DPP9: variants seen among roughly 807,000 people sequenced by gnomAD.
DPP9 encodes the protein dipeptidyl peptidase IV-related protein-2.
In DPP9, 50 loss-of-function variants were observed where a neutral mutation model predicts 110.7. The observed-to-expected ratio is 0.45, with a 90% CI of 0.36 to 0.57. The LOEUF is 0.57. Ranked by LOEUF, DPP9 falls within the 20% of genes least tolerant of loss-of-function variation. DPP9 has a pLI of 0.00. For synonymous variants in DPP9, 561 were observed against 514.4 expected (o/e 1.09, Z -1.23); for missense variants, 1,022 against 1,217.9 (o/e 0.84, Z 2.39).
chr19:4,691,670 CTTTT>C (rs1006998596), intron 13 of DPP9, among the ~76,000 whole-genome samples: 2 of 95,086 alleles, frequency 2.1e-5, no homozygotes, highest in African/African-American at 4.4e-5. Context: ...TAAAACCAGA[CTTTT>C]TTTTTTTTTT....
chr19:4,681,918 G>A (rs1212775011), intron 20 of DPP9, among the ~76,000 whole-genome samples: 4 of 139,258 alleles, frequency 2.9e-5, no homozygotes, highest in Admixed American at 7.5e-5. Flanking sequence ...GCACGATCTC[G>A]GCTCACTGCA....
chr19:4,702,062 T>C lies in DPP9; in HGVS notation c.977A>G (p.Glu326Gly). 1.2e-6 allele frequency: 2 copies of C among 1,613,952 alleles called. No individual in the cohort carries two copies. Among genetic ancestry groups the C allele is most frequent in the Non-Finnish European group, 1.7e-6 (2 of 1,179,854 alleles). Residue 326 changes from glutamate (E) to glycine (G), a missense_variant, in exon 9 of 22, where the codon GAA becomes GGA. By Grantham distance (98) the Glu-to-Gly change is moderately conservative (BLOSUM62 -2). This residue lies in a region of DPP9 where 810 missense variants were observed against 920.6 expected (regional missense o/e 0.88). Coordinates refer to ENST00000262960, the MANE Select transcript of DPP9 (RefSeq NM_139159.5). ...VIHVPSPALE[E>G]RKTDSYRYPR... is the part of the protein sequence containing the mutation. Reference sequence around the variant, plus strand: ...GTACCGATACGAGTCCGTCTTCCTTTCTTCTAGCGCAGGAGAGGGGACGTG... The same window carrying C: ...GTACCGATACGAGTCCGTCTTCCTTCCTTCTAGCGCAGGAGAGGGGACGTG...
chr19:4,692,823 G>A (rs954106309), intron 13 of DPP9, among the ~76,000 whole-genome samples: 1 of 152,188 alleles, frequency 6.6e-6, no homozygotes, highest in Non-Finnish European at 1.5e-5. Flanking sequence ...AAACACCAAT[G>A]AGCCGAAGAC....
Position 4,705,877 on chromosome 19 carries a change from T to G in DPP9, c.407A>C (p.Gln136Pro). 6.2e-7 allele frequency: 1 copy of G among 1,613,964 alleles called. No homozygotes were observed. Among genetic ancestry groups the G allele is most frequent in the East Asian group, 2.2e-5 (1 of 44,886 alleles). Residue 136 changes from glutamine to proline, a missense_variant, in exon 5 of 22, where the codon CAG becomes CCG. By Grantham distance (76) the Gln-to-Pro change is moderately conservative. This residue lies in a region of DPP9 where 810 missense variants were observed against 920.6 expected (regional missense o/e 0.88). Coordinates refer to ENST00000262960, the MANE Select transcript of DPP9 (RefSeq NM_139159.5). ...GCTTACCTGGAAATGATCCAGCATC[T>G]GCTTCCAGGACAGGAGCAGCAGAGC... ...KEALLLLSWK[Q>P]MLDHFQATPH...
rs781710706 is a variant in DPP9 at position 4,700,174 on chromosome 19, C to A, written c.1074+42G>T. 1.3e-5 allele frequency: 19 copies of A among 1,480,288 alleles called. No homozygotes were observed. The highest frequency in any genetic ancestry group is 1.9e-5 in the Admixed American group (1 of 52,472). The allele number at this position is 1,480,288 out of a possible 1,614,324, so 91.7% of individuals were successfully genotyped here. A position where few individuals can be genotyped will look rare whatever the true frequency, so the allele number is the denominator to read the frequency against. On this transcript the variant is annotated intron_variant, in intron 10 of 21. Coordinates refer to ENST00000262960, the MANE Select transcript of DPP9 (RefSeq NM_139159.5). The surrounding 1 kb of genome is among the most constrained non-coding windows in gnomAD (Gnocchi z 4.3). ...CAGCTGCCTACCCGGCCCTTCCCCG[C>A]ATCATCTAGTAGATTATCTGGTATG...
At chr19:4,707,881 C>T (rs998767455) in intron 4 of DPP9, among the ~76,000 whole-genome samples, 2 of 152,136 alleles carry the variant, frequency 1.3e-5, no homozygotes, top group Non-Finnish European at 2.9e-5. Context: ...CCACCTTGGC[C>T]TCCCAAAATG....
intron 3 of DPP9, chr19:4,719,201 A>G (rs2093208313): frequency 6.6e-6 from 1 of 152,050 alleles, no homozygotes; most frequent in Non-Finnish European, 1.5e-5. Flanking sequence ...GGTGACACGC[A>G]CCTGTACTCC....
Position 4,689,380 on chromosome 19 carries a change from G to A in DPP9, c.1749+190C>T, listed in dbSNP as rs924903308. Among the ~76,000 whole-genome samples the A allele has an allele frequency of 6.6e-6, 1 of 152,218 alleles. No individual in the cohort carries two copies. Among genetic ancestry groups the A allele is most frequent in the Non-Finnish European group, 1.5e-5 (1 of 68,028 alleles). On this transcript the variant is annotated intron_variant, in intron 15 of 21. Coordinates refer to ENST00000262960, the MANE Select transcript of DPP9 (RefSeq NM_139159.5). The surrounding 1 kb of genome is among the most constrained non-coding windows in gnomAD (Gnocchi z 7.0). ...TCCACCACTTACTACCCTGGGATTGGTGGTGGGCAATTCACTCCCTTCCCT... is the reference window on the plus strand; with the variant it reads ...TCCACCACTTACTACCCTGGGATTGATGGTGGGCAATTCACTCCCTTCCCT...
rs2091676644 is a variant in DPP9, at chr19:4,695,103, A to C, written c.1353+275T>G. 1.7e-6 allele frequency: 1 copy of C among 587,916 alleles called. No homozygotes were observed. Among genetic ancestry groups the C allele is most frequent in the South Asian group, 2.1e-5 (1 of 47,222 alleles). 36.4% of individuals were successfully genotyped at this position (587,916 alleles called of 1,614,324 possible). ...GAGGTCAAGGCTGCAGTGAGCTATGACCACACCACTGCACTCTAGTCTGGG... is the reference window on the plus strand; with the variant it reads ...GAGGTCAAGGCTGCAGTGAGCTATGCCCACACCACTGCACTCTAGTCTGGG... On this transcript the variant is annotated intron_variant, in intron 12 of 21. Coordinates refer to ENST00000262960, the MANE Select transcript of DPP9 (RefSeq NM_139159.5). This position sits in a 1 kb window ranked among gnomAD's most constrained non-coding sequence, Gnocchi z 4.7.
At chr19:4,697,098 CAA>C (rs991000616) in intron 11 of DPP9, among the ~76,000 whole-genome samples, 3 of 138,026 alleles carry the variant, frequency 2.2e-5, no homozygotes, top group Non-Finnish European at 1.6e-5. Context: ...GACTCCATCT[CAA>C]AAAAAAAAAA....
chr19:4,713,592 C>T (rs752548655), intron 4 of DPP9, among the ~76,000 whole-genome samples: 2 of 152,222 alleles, frequency 1.3e-5, no homozygotes, highest in Non-Finnish European at 2.9e-5. Flanking sequence ...GCCATCCGGG[C>T]GGCTTTCCCG....
rs529840741 is a variant in DPP9, at chr19:4,693,038, C to T, written c.1516+1623G>A. On this transcript the variant is annotated intron_variant, in intron 13 of 21. Transcript: ENST00000262960. This position sits in a 1 kb window ranked among gnomAD's most constrained non-coding sequence, Gnocchi z 5.0. ...TGCCTCGCTCCCTGGGGTCTCTGTC[C>T]CCTGTGTTGGGGGACGCCTTGGCTG... Among the ~76,000 whole-genome samples, 1 of 152,268 alleles carries T rather than the reference C, an allele frequency of 6.6e-6. No homozygotes were observed. The highest frequency in any genetic ancestry group is 1.5e-5 in the Non-Finnish European group (1 of 68,004).
At chr19:4,719,326 TTAAATAAA>T (rs3059236) in intron 3 of DPP9, 41,061 of 141,760 alleles carry the variant, frequency 0.29, 6,416 homozygotes, top group Non-Finnish European at 0.35. Flanking sequence ...AGACTCCGTC[TTAAATAAA>T]TAAATAAATA....
intron 1 of DPP9, chr19:4,722,908 G>A (rs1404425016): frequency 3.8e-6 from 1 of 263,750 alleles, no homozygotes; most frequent in Admixed American, 5.1e-5. Flanking sequence ...GGGGCCAAGG[G>A]AATAGACCAC....
rs775099942 is a variant in DPP9 at position 4,690,838 on chromosome 19, A to G, written c.1596+40T>C. On this transcript the variant is annotated intron_variant, in intron 14 of 21. Transcript: ENST00000262960. ...GTGAGTGTATGTGTGTAAAACACAC[A>G]TGCATGGAGCAGGGGAAGGCTGCAA... The G allele has an allele frequency of 5.9e-6, 9 of 1,523,140 alleles. No individual in the cohort carries two copies. The East Asian group carries it at 2.0e-4, about 34-fold the overall frequency. The allele number at this position is 1,523,140 out of a possible 1,614,324, so 94.4% of individuals were successfully genotyped here.
At position 4,688,785 on chromosome 19, in the gene DPP9, G is replaced by A. The variant is rs748388637; in HGVS notation, c.1857C>T (p.Arg619=). Residue 619 remains arginine (R), a synonymous_variant, in exon 16 of 22, where the codon CGC becomes CGT. Transcript: ENST00000262960. The part of the protein sequence containing the change: ...PDDDPLHKQP[R]FWASMMEAAS... ...CTGCCTCCATCATGCTAGCCCAGAA[G>A]CGGGGCTGCTTGTGCAGGGGGTCGT... 2 of 1,467,890 alleles carry A rather than the reference G, an allele frequency of 1.4e-6. No individual in the cohort carries two copies. The highest frequency in any genetic ancestry group is 2.7e-5 in the East Asian group (1 of 36,454). 90.9% of individuals were successfully genotyped at this position (1,467,890 alleles called of 1,614,324 possible). A position where few individuals can be genotyped will look rare whatever the true frequency, so the allele number is the denominator to read the frequency against.
In DPP9 at chr19:4,705,753, C is replaced by T. The variant is rs2092550688; in HGVS notation, c.426+105G>A. On this transcript the variant is annotated intron_variant, in intron 5 of 21. Coordinates refer to ENST00000262960, the MANE Select transcript of DPP9 (RefSeq NM_139159.5). ...AGGACGGAGGGTTTGTGGGAACTCA[C>T]AGCCGGTGGGGCAGAGAGGTGACCG... 9 of 1,110,638 alleles carry T rather than the reference C, an allele frequency of 8.1e-6. No homozygotes were observed. The Admixed American group carries it at 1.2e-4, about 15-fold the overall frequency. 68.8% of individuals were successfully genotyped at this position (1,110,638 alleles called of 1,614,324 possible).
chr19:4,722,646 C>T, intron 1 of DPP9, 95 bp from the exon 2 acceptor site: 1 of 688,726 alleles, frequency 1.5e-6, no homozygotes, highest in Non-Finnish European at 2.7e-6. Context: ...GACTGTCAGG[C>T]CCGATTCTAC....
rs992722357 is a variant in DPP9, at chr19:4,684,996, C to T, written c.2032-187G>A. 22 of 751,724 alleles carry T rather than the reference C, an allele frequency of 2.9e-5. No individual in the cohort carries two copies. The highest frequency in any genetic ancestry group is 5.2e-5 in the African/African-American group (3 of 57,994). The allele number at this position is 751,724 out of a possible 1,614,324, so 46.6% of individuals were successfully genotyped here. A position where few individuals can be genotyped will look rare whatever the true frequency, so the allele number is the denominator to read the frequency against. Reference sequence around the variant, plus strand: ...AGGCGGGAGGGGCCCATACTCGGGACCCTGCTAGGGAGGGGGAAGGGCCAC... The same window carrying T: ...AGGCGGGAGGGGCCCATACTCGGGATCCTGCTAGGGAGGGGGAAGGGCCAC... On this transcript the variant is annotated intron_variant, in intron 17 of 21. Transcript: ENST00000262960. This position sits in a 1 kb window ranked among gnomAD's most constrained non-coding sequence, Gnocchi z 4.8.
Sources: gnomAD v4.1 joint callset for allele counts (sites outside exome capture counted in the v4.1 genomes callset) on GRCh38, gnomAD v4.1.1 for gene constraint, gnomAD v4.1.1 regional missense constraint, Gnocchi (gnomAD v3.1) non-coding constraint, MANE v1.5 for transcripts, NCBI Gene and HGNC (gene_info 2026-07-23, HGNC 2026-07-21) for gene names.